SPATS2: variants seen among roughly 807,000 people sequenced by gnomAD.
The protein encoded by SPATS2 is spermatogenesis-associated serine-rich protein 2.
In SPATS2, 38 loss-of-function variants were observed where a neutral mutation model predicts 63.7. The observed-to-expected ratio is 0.60, with a 90% CI of 0.46 to 0.78. The LOEUF is 0.78. SPATS2 is among the 30% of genes least tolerant of loss of function. The probability of loss-of-function intolerance (pLI) is 0.00; values close to 1 mark genes in which losing one functional copy is unlikely to be tolerated. For missense variants in SPATS2, 588 were observed against 666.2 expected (o/e 0.88, Z 1.29); for synonymous variants, 207 against 232.9 (o/e 0.89, Z 1.01).
At chr12:49,421,432 A>C (rs891450145) in intron 2 of SPATS2, among the ~76,000 whole-genome samples, 6 of 150,108 alleles carry the variant, frequency 4.0e-5, no homozygotes, top group Middle Eastern at 3.4e-3. Context: ...AAAAAAAAAA[A>C]AAAAAAAAAA....
intron 2 of SPATS2, among the ~76,000 whole-genome samples, chr12:49,433,338 T>A (rs1945218697): frequency 6.6e-6 from 1 of 152,144 alleles, no homozygotes; most frequent in South Asian, 2.1e-4. Flanking sequence ...AATTTTTGTA[T>A]TTTTAGTAGA....
chr12:49,390,901 C>T (rs183131500), intron 2 of SPATS2, among the ~76,000 whole-genome samples: 54 of 152,226 alleles, frequency 3.5e-4, no homozygotes, highest in Admixed American at 1.1e-3. Context: ...AGTTTTGGTT[C>T]GAAGTCAGTA....
chr12:49,521,501 C>T (rs868331760), intron 11 of SPATS2, among the ~76,000 whole-genome samples: 3 of 152,070 alleles, frequency 2.0e-5, no homozygotes, highest in Non-Finnish European at 4.4e-5. Flanking sequence ...ATTCAACTCT[C>T]GGGGAGAAGC....
At chr12:49,441,194 A>G (rs1439859308) in intron 2 of SPATS2, among the ~76,000 whole-genome samples, 1 of 152,176 alleles carries the variant, frequency 6.6e-6, no homozygotes, top group Non-Finnish European at 1.5e-5. Flanking sequence ...TCTTACTGCT[A>G]CATTCCTCAC....
chr12:49,441,146 A>C (rs1475692824), intron 2 of SPATS2, among the ~76,000 whole-genome samples: 2 of 152,168 alleles, frequency 1.3e-5, no homozygotes, highest in Non-Finnish European at 2.9e-5. Flanking sequence ...ATCGTTTTCT[A>C]ATTGGGCTAC....
intron 2 of SPATS2, among the ~76,000 whole-genome samples, chr12:49,386,399 C>T (rs1714599132): frequency 6.6e-6 from 1 of 152,026 alleles, no homozygotes; most frequent in Non-Finnish European, 1.5e-5. Context: ...CCTGACCTCT[C>T]AGGTGATCTG....
chr12:49,456,888 C>A (rs781207301), intron 2 of SPATS2, among the ~76,000 whole-genome samples: 1 of 151,910 alleles, frequency 6.6e-6, no homozygotes, highest in Admixed American at 6.6e-5. Flanking sequence ...ATTTTTTGTT[C>A]CCTAATGTTA....
chr12:49,449,110 A>G (rs1945570234), intron 2 of SPATS2, among the ~76,000 whole-genome samples: 1 of 152,238 alleles, frequency 6.6e-6, no homozygotes, highest in South Asian at 2.1e-4. Context: ...GGCCTAGTAT[A>G]TAGTCTGTCC....
chr12:49,397,068 C>T (rs1225748035), intron 2 of SPATS2, among the ~76,000 whole-genome samples: 1 of 152,166 alleles, frequency 6.6e-6, no homozygotes, highest in Non-Finnish European at 1.5e-5. Context: ...CTTGTGTTCC[C>T]ACTCGCTACA....
At chr12:49,367,733 C>T (rs1346019172) in intron 1 of SPATS2, 146 bp downstream of exon 1, 1 of 383,350 alleles carries the variant, frequency 2.6e-6, no homozygotes, top group African/African-American at 2.2e-5. Flanking sequence ...CTTAGAGGCC[C>T]GAAGTGCCCA....
chr12:49,482,915 A>C (rs1318961343), intron 3 of SPATS2, among the ~76,000 whole-genome samples: 4 of 151,534 alleles, frequency 2.6e-5, no homozygotes, highest in Admixed American at 2.6e-4. Context: ...CACCCTCCCA[A>C]TTAGCTGGGG....
At chr12:49,413,295 C>T (rs112870162) in intron 2 of SPATS2, among the ~76,000 whole-genome samples, 7 of 152,218 alleles carry the variant, frequency 4.6e-5, no homozygotes, top group South Asian at 4.2e-4. Flanking sequence ...GGAACAGCTA[C>T]GGCGCCTTGG....
At chr12:49,472,000 A>G (rs1946041914) in intron 3 of SPATS2, among the ~76,000 whole-genome samples, 1 of 151,002 alleles carries the variant, frequency 6.6e-6, no homozygotes, top group Non-Finnish European at 1.5e-5. Flanking sequence ...TACCCAGGGC[A>G]TGGTGGGGCG....
intron 2 of SPATS2, among the ~76,000 whole-genome samples, chr12:49,428,257 AAAAC>A (rs376602671): frequency 3.4e-4 from 51 of 151,188 alleles, no homozygotes; most frequent in East Asian, 1.3e-3. Flanking sequence ...CCCGTCTCAA[AAAAC>A]AAACAAACAA....
intron 2 of SPATS2, among the ~76,000 whole-genome samples, chr12:49,441,171 C>T (rs1373217983): frequency 2.0e-5 from 3 of 152,016 alleles, no homozygotes; most frequent in Non-Finnish European, 1.5e-5. Context: ...TATCTTATAC[C>T]TTTCTATTTC....
intron 8 of SPATS2, among the ~76,000 whole-genome samples, chr12:49,498,139 A>AT (rs1555191141): frequency 2.0e-3 from 172 of 84,224 alleles, no homozygotes; most frequent in African/African-American, 8.8e-3. Flanking sequence ...AGCCAAAAAA[A>AT]AAAAAAATAT....
intron 3 of SPATS2, among the ~76,000 whole-genome samples, chr12:49,474,395 T>C (rs992232849): frequency 1.3e-5 from 2 of 152,160 alleles, no homozygotes; most frequent in African/African-American, 4.8e-5. Context: ...AGTGCTGTAG[T>C]GTTATGAGAA....
Position 49,398,482 on chromosome 12 carries a change from G to C in SPATS2, c.-244+27192G>C, listed in dbSNP as rs568369394. 9.9e-5 allele frequency among the ~76,000 whole-genome samples: 15 copies of C among 152,284 alleles called. No individual in the cohort carries two copies. In the South Asian group the frequency reaches 3.1e-3, roughly 32 times the overall value. ...ATAAATTCAAGAGAATTTAGAAATA[G>C]GTTAGGCGGGATTGTATTGGATGAA... On this transcript the variant is annotated intron_variant, in intron 2 of 13. Transcript: ENST00000552918.
At chr12:49,390,843 T>C (rs551761809) in intron 2 of SPATS2, among the ~76,000 whole-genome samples, 1 of 152,264 alleles carries the variant, frequency 6.6e-6, no homozygotes, top group Non-Finnish European at 1.5e-5. Flanking sequence ...AGAAAGAAAA[T>C]CTTATAATAG....
Sources: allele counts gnomAD v4.1 joint callset (sites outside exome capture counted in the v4.1 genomes callset), GRCh38; gene constraint gnomAD v4.1.1; transcripts MANE v1.5; gene names NCBI Gene and HGNC (gene_info 2026-07-23, HGNC 2026-07-21).